LRRTM4: variants seen among roughly 807,000 people sequenced by gnomAD.
LRRTM4 encodes the protein leucine rich repeat transmembrane neuronal 4, also known as leucine-rich repeat transmembrane neuronal protein 4.
LRRTM4 carries 25 observed loss-of-function variants against 47.6 expected under a neutral mutation model. That is an observed-to-expected ratio of 0.53 (90% CI 0.38 to 0.73). LRRTM4 has a LOEUF of 0.73. Among genes scored for constraint, LRRTM4 ranks in the 30% least tolerant of loss-of-function variants. The pLI is 0.00. For missense variants in LRRTM4, 638 were observed against 713.4 expected, an observed-to-expected ratio of 0.89 and a Z score of 1.20; for synonymous variants, 311 against 269.5, an observed-to-expected ratio of 1.15 and a Z score of -1.51.
intron 3 of LRRTM4, among the ~76,000 whole-genome samples, chr2:77,313,581 CT>C (rs1385898708): frequency 6.6e-6 from 1 of 152,138 alleles, no homozygotes; most frequent in Non-Finnish European, 1.5e-5. Context: ...CCCAGCACCC[CT>C]GAGCACCCTT....
chr2:77,057,643 C>T (rs1256574465), intron 3 of LRRTM4, among the ~76,000 whole-genome samples: 1 of 152,154 alleles, frequency 6.6e-6, no homozygotes, highest in Admixed American at 6.5e-5. Context: ...TTAGAACCAC[C>T]TCAGGTGGTT....
chr2:76,871,371 G>T (rs1025379643), intron 3 of LRRTM4, among the ~76,000 whole-genome samples: 3 of 152,116 alleles, frequency 2.0e-5, no homozygotes, highest in Admixed American at 2.0e-4. Context: ...TTGCCTAGTA[G>T]TTAGCAGAGA....
At chr2:77,269,281 T>C (rs1263938563) in intron 3 of LRRTM4, among the ~76,000 whole-genome samples, 3 of 152,172 alleles carry the variant, frequency 2.0e-5, no homozygotes, top group Admixed American at 1.3e-4. Context: ...TCTATTTCCC[T>C]ACGTAGATAT....
intron 3 of LRRTM4, among the ~76,000 whole-genome samples, chr2:76,888,354 G>A (rs753657838): frequency 1.3e-4 from 19 of 151,322 alleles, no homozygotes; most frequent in South Asian, 2.1e-4. Flanking sequence ...ACAATTGTAC[G>A]TATATATTTA....
At chr2:77,405,420 A>G (rs1431224605) in intron 3 of LRRTM4, among the ~76,000 whole-genome samples, 8 of 152,106 alleles carry the variant, frequency 5.3e-5, no homozygotes, top group Non-Finnish European at 1.2e-4. Context: ...TTTCTGTTTT[A>G]TGGAACAACA....
chr2:77,236,141 T>C (rs528297170), intron 3 of LRRTM4, among the ~76,000 whole-genome samples: 5 of 152,260 alleles, frequency 3.3e-5, no homozygotes, highest in Non-Finnish European at 4.4e-5. Flanking sequence ...TTGATTCTTC[T>C]AATCCATGAA....
intron 3 of LRRTM4, among the ~76,000 whole-genome samples, chr2:77,272,835 C>T (rs139243276): frequency 6.6e-6 from 1 of 152,110 alleles, no homozygotes; most frequent in Non-Finnish European, 1.5e-5. Flanking sequence ...AGCATATGAG[C>T]CAGTTTAACC....
At chr2:77,337,273 G>C (rs2104266447) in intron 3 of LRRTM4, among the ~76,000 whole-genome samples, 1 of 152,128 alleles carries the variant, frequency 6.6e-6, no homozygotes, top group Admixed American at 6.6e-5. Context: ...AAGAATCAAG[G>C]TCATTAAAAT....
At chr2:76,954,049 G>A (rs999070879) in intron 3 of LRRTM4, among the ~76,000 whole-genome samples, 8 of 151,786 alleles carry the variant, frequency 5.3e-5, no homozygotes, top group Non-Finnish European at 1.0e-4. Context: ...GATTTGAGAA[G>A]CCCTCAGAGT....
intron 3 of LRRTM4, among the ~76,000 whole-genome samples, chr2:76,946,310 C>A (rs1037643248): frequency 6.6e-6 from 1 of 151,976 alleles, no homozygotes; most frequent in South Asian, 2.1e-4. Flanking sequence ...TCAGTGTATA[C>A]GTGTGTAGAG....
At chr2:77,235,900 A>T (rs1164035209) in intron 3 of LRRTM4, among the ~76,000 whole-genome samples, 2 of 151,854 alleles carry the variant, frequency 1.3e-5, no homozygotes, top group Admixed American at 1.3e-4. Context: ...TCAGTTCTAC[A>T]TTGTTTTTGC....
chr2:76,899,010 A>G (rs1449938725), intron 3 of LRRTM4, among the ~76,000 whole-genome samples: 1 of 152,044 alleles, frequency 6.6e-6, no homozygotes, highest in Non-Finnish European at 1.5e-5. Context: ...ACAAATCAGT[A>G]GAGAAAGGAA....
At chr2:77,233,364 C>T (rs994249428) in intron 3 of LRRTM4, among the ~76,000 whole-genome samples, 19 of 152,270 alleles carry the variant, frequency 1.2e-4, no homozygotes, top group African/African-American at 4.3e-4. Flanking sequence ...GTACTCCCAA[C>T]TGGGTTATAA....
chr2:77,216,836 G>C (rs1039265434), intron 3 of LRRTM4, among the ~76,000 whole-genome samples: 1 of 151,938 alleles, frequency 6.6e-6, no homozygotes, highest in Non-Finnish European at 1.5e-5. Flanking sequence ...ACTTTGGGAG[G>C]CCGAGGCAGG....
At chr2:77,477,580 C>T (rs973369622) in intron 3 of LRRTM4, among the ~76,000 whole-genome samples, 18 of 151,874 alleles carry the variant, frequency 1.2e-4, no homozygotes, top group Admixed American at 3.3e-4. Context: ...CAGTGGCTCA[C>T]GCCTGTAATC....
At chr2:77,429,739 G>A (rs1272784420) in intron 3 of LRRTM4, among the ~76,000 whole-genome samples, 1 of 152,088 alleles carries the variant, frequency 6.6e-6, no homozygotes, top group East Asian at 1.9e-4. Flanking sequence ...TTGATCAAAG[G>A]ATATAAAATT....
Position 77,031,497 on chromosome 2 carries a change from A to G in LRRTM4, c.1552-282581T>C, listed in dbSNP as rs184358552. ...TTTTTCCACATGGCTAAAAATACAC[A>G]TTGTTCTACTGAAATCACTGGAACA... On this transcript the variant is annotated intron_variant, in intron 3 of 3. Transcript: ENST00000409884. Among the ~76,000 whole-genome samples, 17 of 152,282 alleles carry G rather than the reference A, an allele frequency of 1.1e-4. No individual in the cohort carries two copies. In the East Asian group the frequency reaches 3.3e-3, roughly 29 times the overall value.
At chr2:76,810,917 A>T (rs1224341560) in intron 3 of LRRTM4, among the ~76,000 whole-genome samples, 1 of 152,182 alleles carries the variant, frequency 6.6e-6, no homozygotes, top group Non-Finnish European at 1.5e-5. Context: ...GGTTATTCTG[A>T]GAAATACCAT....
chr2:77,126,519 G>A (rs375699789), intron 3 of LRRTM4, among the ~76,000 whole-genome samples: 11 of 152,262 alleles, frequency 7.2e-5, no homozygotes, highest in African/African-American at 2.6e-4. Flanking sequence ...GCATCCCAAA[G>A]CTACGTATAA....
Sources: allele counts gnomAD v4.1 joint callset (sites outside exome capture counted in the v4.1 genomes callset), GRCh38; gene constraint gnomAD v4.1.1; transcripts MANE v1.5; gene names NCBI Gene and HGNC (gene_info 2026-07-23, HGNC 2026-07-21).